The following TNXB variants were observed in gnomAD, a reference collection of about 807,000 sequenced individuals.
TNXB encodes tenascin XB.
A neutral mutation model predicts 340.5 loss-of-function variants in TNXB; 183 were observed. The ratio of observed to expected loss-of-function variants is 0.54; its 90% CI spans 0.48 to 0.61. TNXB has a LOEUF of 0.61. Among genes scored for constraint, TNXB ranks in the 20% least tolerant of loss-of-function variants. TNXB has a pLI of 0.00. For missense variants in TNXB, 4,613 were observed against 5,446.4 expected, an observed-to-expected ratio of 0.85 and a Z score of 4.82; for synonymous variants, 2,121 against 2,314.5, an observed-to-expected ratio of 0.92 and a Z score of 2.40.
chr6:32,081,775 G>C lies in TNXB; in HGVS notation c.3737-102C>G. ...ACCTATGGGGGGTGGGGGGTCACTA[G>C]TCCATTAATTCGAGTGCTAAACTTC... On this transcript the variant is annotated intron_variant, in intron 9 of 43. Transcript: ENST00000644971. This position sits in a 1 kb window ranked among gnomAD's most constrained non-coding sequence, Gnocchi z 5.1. 1.3e-6 allele frequency: 1 copy of C among 743,288 alleles called. No homozygotes were observed. Among genetic ancestry groups the C allele is most frequent in the South Asian group, 1.9e-5 (1 of 53,100 alleles). 46.0% of individuals were successfully genotyped at this position (743,288 alleles called of 1,614,324 possible). A position where few individuals can be genotyped will look rare whatever the true frequency, so the allele number is the denominator to read the frequency against.
In TNXB at chr6:32,097,351, A is replaced by C; in HGVS notation, c.502T>G (p.Ser168Ala). The change falls in exon 3 of 44, where the codon TCA becomes GCA. Residue 168 changes from serine (S) to alanine (A), a missense_variant. This residue lies in a region of TNXB where 4,327 missense variants were observed against 4,859.4 expected (regional missense o/e 0.89). Transcript: ENST00000644971. This position sits in a 1 kb window ranked among gnomAD's most constrained non-coding sequence, Gnocchi z 5.9. ...GGGATCTCAGCATCTGTGGGGTCTG[A>C]GCAGGTGGGCCCACCCCAGCCTGGC... ...CEPGWGGPTC[S>A]DPTDAEIPPS... 1 of 1,613,148 alleles carries C rather than the reference A, an allele frequency of 6.2e-7. No homozygotes were observed. Among genetic ancestry groups the C allele is most frequent in the Non-Finnish European group, 8.5e-7 (1 of 1,179,864 alleles).
chr6:32,062,448 T>C lies in TNXB; in HGVS notation c.6877A>G (p.Thr2293Ala). 1 of 1,610,480 alleles carries C rather than the reference T, an allele frequency of 6.2e-7. No homozygotes were observed. Among genetic ancestry groups the C allele is most frequent in the Non-Finnish European group, 8.5e-7 (1 of 1,177,964 alleles). ...GGGGGTTCAGGGGTGGGAGGTTCTG[T>C]CGAGGCTGGGGCCATTTCTTCATCC... ...GKDEEMAPAS[T>A]EPPTPEPPIK... The change falls in exon 20 of 44, where the codon ACA (threonine) becomes GCA (alanine). Residue 2293 changes from threonine to alanine, a missense_variant. Physicochemically the swap from Thr to Ala is moderately conservative, Grantham distance 58 (BLOSUM62 0). Transcript: ENST00000644971. The surrounding 1 kb of genome is among the most constrained non-coding windows in gnomAD (Gnocchi z 4.3).
At position 32,095,014 on chromosome 6, in the gene TNXB, G is replaced by A. The variant is rs749402687; in HGVS notation, c.2358+62C>T. On this transcript the variant is annotated intron_variant, in intron 4 of 43. Transcript: ENST00000644971. Reference sequence around the variant, plus strand: ...GATCACCTGGAACTTCCTCCAGGAGGTGAGCCCTGCCCCCCTGTCCTGCCC... The same window carrying A: ...GATCACCTGGAACTTCCTCCAGGAGATGAGCCCTGCCCCCCTGTCCTGCCC... 9 of 1,368,718 alleles carry A rather than the reference G, an allele frequency of 6.6e-6. No homozygotes were observed. The Admixed American group carries it at 9.9e-5, about 15-fold the overall frequency. 84.8% of individuals were successfully genotyped at this position (1,368,718 alleles called of 1,614,324 possible). A position where few individuals can be genotyped will look rare whatever the true frequency, so the allele number is the denominator to read the frequency against.
Position 32,062,164 on chromosome 6 carries a change from C to T in TNXB, c.7161G>A (p.Gly2387=). ...GQRVGPVSAI[G]VTAAEEETPS... is the part of the protein sequence containing the mutation. ...CTCCCATCGTCCACTCACCTGTCACCCCGATGGCAGACACGGGGCCCACAC... is the reference window on the plus strand; with the variant it reads ...CTCCCATCGTCCACTCACCTGTCACTCCGATGGCAGACACGGGGCCCACAC... The change falls in exon 20 of 44, where the codon GGG becomes GGA. Residue 2387 remains glycine, a synonymous_variant. Coordinates refer to ENST00000644971, the MANE Select transcript of TNXB (RefSeq NM_001365276.2). The surrounding 1 kb of genome is among the most constrained non-coding windows in gnomAD (Gnocchi z 4.3). The T allele has an allele frequency of 6.2e-7, 1 of 1,610,482 alleles. No homozygotes were observed.
In TNXB at chr6:32,062,604, A is replaced by T; in HGVS notation, c.6842-121T>A. The stretch of plus-strand genomic sequence containing the variant: ...CTGGATGCTGGTGCCCCAAGCTTAG[A>T]ATATCATTTTTCTGCTTTGAATGTT... On this transcript the variant is annotated intron_variant, in intron 19 of 43. Transcript: ENST00000644971. The surrounding 1 kb of genome is among the most constrained non-coding windows in gnomAD (Gnocchi z 4.3). 1 of 971,212 alleles carries T rather than the reference A, an allele frequency of 1.0e-6. No homozygotes were observed. The highest frequency in any genetic ancestry group is 1.5e-6 in the Non-Finnish European group (1 of 675,738). 60.2% of individuals were successfully genotyped at this position (971,212 alleles called of 1,614,324 possible). A position where few individuals can be genotyped will look rare whatever the true frequency, so the allele number is the denominator to read the frequency against.
rs749058728 is a variant in TNXB at position 32,081,487 on chromosome 6, G to A, written c.3923C>T (p.Ala1308Val). Residue 1308 changes from alanine to valine, a missense_variant, in exon 10 of 44, where the codon GCG becomes GTG. Physicochemically the swap from Ala to Val is moderately conservative, Grantham distance 64. Coordinates refer to ENST00000644971, the MANE Select transcript of TNXB (RefSeq NM_001365276.2). This position sits in a 1 kb window ranked among gnomAD's most constrained non-coding sequence, Gnocchi z 5.1. ...AQGQPQAVPVAGDENEVTVPG... is the reference protein window; with the variant it reads ...AQGQPQAVPVVGDENEVTVPG... Reference sequence around the variant, plus strand: ...GACAGTAACCTCATTCTCATCCCCCGCAACAGGCACTGCCTGGGGCTGCCC... The same window carrying A: ...GACAGTAACCTCATTCTCATCCCCCACAACAGGCACTGCCTGGGGCTGCCC... 5.9e-5 allele frequency: 95 copies of A among 1,604,714 alleles called. No homozygotes were observed. Among genetic ancestry groups the A allele is most frequent in the Non-Finnish European group, 7.2e-5 (85 of 1,175,724 alleles).
At chr6:32,050,347 G>A (rs1777206236) in intron 26 of TNXB, 26 bp from the exon 27 acceptor site, 2 of 1,606,480 alleles carry the variant, frequency 1.2e-6, no homozygotes, top group Non-Finnish European at 1.7e-6. Context: ...TGGGGACAGT[G>A]AGGACCCTGG....
intron 28 of TNXB, 73 bp from the exon 29 acceptor site, chr6:32,048,723 C>T (rs1188326194): frequency 7.5e-7 from 1 of 1,331,062 alleles, no homozygotes. Context: ...TCTCCCAGGA[C>T]TGGAGTGAGC....
rs775374149 is a variant in TNXB at position 32,068,790 on chromosome 6, C to A, written c.5902+32G>T. ...CTGTCCTCTGGACTCTCCCAGCCATCTGAAAGGAGGCATAGTGGGCAGAGT... is the reference window on the plus strand; with the variant it reads ...CTGTCCTCTGGACTCTCCCAGCCATATGAAAGGAGGCATAGTGGGCAGAGT... On this transcript the variant is annotated intron_variant, in intron 16 of 43. Coordinates refer to ENST00000644971, the MANE Select transcript of TNXB (RefSeq NM_001365276.2). The surrounding 1 kb of genome is among the most constrained non-coding windows in gnomAD (Gnocchi z 5.3). 2 of 1,592,924 alleles carry A rather than the reference C, an allele frequency of 1.3e-6. No homozygotes were observed. Among genetic ancestry groups the A allele is most frequent in the Non-Finnish European group, 1.7e-6 (2 of 1,167,120 alleles).
rs747409043 is a variant in TNXB at position 32,068,422 on chromosome 6, C to T, written c.6188G>A (p.Arg2063His). The T allele has an allele frequency of 5.6e-6, 9 of 1,613,752 alleles. No individual in the cohort carries two copies. Among genetic ancestry groups the T allele is most frequent in the South Asian group, 4.4e-5 (4 of 91,080 alleles). ...CCCGACGACAGACACAGGGCCCATG[C>T]GCTGGCCACCGTGGAAGCCGTACAG... ...MNLYGFHGGQ[R>H]MGPVSVVGVT... Residue 2063 changes from arginine (R) to histidine (H), a missense_variant, in exon 17 of 44, where the codon CGC becomes CAC. Arg to His is a conservative substitution (Grantham distance 29). Transcript: ENST00000644971. The surrounding 1 kb of genome is among the most constrained non-coding windows in gnomAD (Gnocchi z 5.3).
rs543603039 is a variant in TNXB at position 32,088,221 on chromosome 6, G to C, written c.2779+564C>G. ...CCTAGAAAGAAGAGAGAAGCCCGTG[G>C]GTGGGGCCCTGTAGCTGAAGGAGAG... On this transcript the variant is annotated intron_variant, in intron 6 of 43. Transcript: ENST00000644971. 2.6e-5 allele frequency among the ~76,000 whole-genome samples: 4 copies of C among 152,172 alleles called. 1 individual carries two copies. The highest frequency in any genetic ancestry group is 5.9e-5 in the Non-Finnish European group (4 of 68,030).
At position 32,062,187 on chromosome 6, in the gene TNXB, C is replaced by T. The variant is rs1197620907; in HGVS notation, c.7138G>A (p.Val2380Met). The T allele has an allele frequency of 1.2e-6, 2 of 1,612,136 alleles. No homozygotes were observed. ...NLYGFHGGQR[V>M]GPVSAIGVTA... The stretch of plus-strand genomic sequence containing the variant: ...ACCCCGATGGCAGACACGGGGCCCA[C>T]ACGCTGGCCACCGTGGAAGCCGTAC... Residue 2380 changes from valine to methionine, a missense_variant, in exon 20 of 44, where the codon GTG becomes ATG. This residue lies in a region of TNXB where 4,327 missense variants were observed against 4,859.4 expected (regional missense o/e 0.89). Coordinates refer to ENST00000644971, the MANE Select transcript of TNXB (RefSeq NM_001365276.2). The surrounding 1 kb of genome is among the most constrained non-coding windows in gnomAD (Gnocchi z 4.3).
intron 19 of TNXB, among the ~76,000 whole-genome samples, chr6:32,063,553 G>A (rs925666804): frequency 6.6e-6 from 1 of 152,186 alleles, no homozygotes; most frequent in African/African-American, 2.4e-5. Context: ...GTAGAGAGAT[G>A]AGACCACATG....
At position 32,082,189 on chromosome 6, in the gene TNXB, C is replaced by T; in HGVS notation, c.3583G>A (p.Asp1195Asn). ...ACCACCTGGGGCCGTCCATCCCTGT[C>T]CCTGTACTGGACCATGAAGGTGTCA... ...QFDTFMVQYR[D>N]RDGRPQVVPV... Residue 1195 changes from aspartate to asparagine, a missense_variant, in exon 9 of 44, where the codon GAC becomes AAC. Physicochemically the swap from Asp to Asn is conservative, Grantham distance 23. Around this residue, in one of 7 missense-constraint regions of TNXB, gnomAD observed 4,327 missense variants for 4,859.4 expected, o/e 0.89. Transcript: ENST00000644971. This position sits in a 1 kb window ranked among gnomAD's most constrained non-coding sequence, Gnocchi z 5.0. The T allele has an allele frequency of 1.2e-6, 2 of 1,612,724 alleles. No individual in the cohort carries two copies. Among genetic ancestry groups the T allele is most frequent in the Non-Finnish European group, 1.7e-6 (2 of 1,179,682 alleles).
rs756050937 is a variant in TNXB, at chr6:32,068,441, C to A, written c.6169G>T (p.Gly2057Cys). 6.2e-7 allele frequency: 1 copy of A among 1,613,900 alleles called. No homozygotes were observed. Among genetic ancestry groups the A allele is most frequent in the South Asian group, 1.1e-5 (1 of 91,088 alleles). Residue 2057 changes from glycine to cysteine, a missense_variant, in exon 17 of 44, where the codon GGC becomes TGC. This residue lies in a region of TNXB where 4,327 missense variants were observed against 4,859.4 expected (regional missense o/e 0.89). Coordinates refer to ENST00000644971, the MANE Select transcript of TNXB (RefSeq NM_001365276.2). This position sits in a 1 kb window ranked among gnomAD's most constrained non-coding sequence, Gnocchi z 5.3. ...CCCATGCGCTGGCCACCGTGGAAGC[C>A]GTACAGGTTCATCTTGTATTTATGG... ...PDHKYKMNLY[G>C]FHGGQRMGPV... is the part of the protein sequence containing the mutation.
At position 32,047,498 on chromosome 6, in the gene TNXB, CAG is replaced by C. The variant is rs1042133785; in HGVS notation, c.10324+234_10324+235del. Reference sequence around the variant, plus strand: ...AAAGGCTAGGACTGGAACTGGAACACAGATCTGCTGGCCCCAAAGCCCGTGTC... The same window carrying C: ...AAAGGCTAGGACTGGAACTGGAACACATCTGCTGGCCCCAAAGCCCGTGTC... On this transcript the variant is annotated intron_variant, in intron 30 of 43. Coordinates refer to ENST00000644971, the MANE Select transcript of TNXB (RefSeq NM_001365276.2). The surrounding 1 kb of genome is among the most constrained non-coding windows in gnomAD (Gnocchi z 6.2). 5.3e-5 allele frequency among the ~76,000 whole-genome samples: 8 copies of C among 152,240 alleles called. No homozygotes were observed. Among genetic ancestry groups the C allele is most frequent in the African/African-American group, 1.9e-4 (8 of 41,468 alleles).
At position 32,067,124 on chromosome 6, in the gene TNXB, A is replaced by G. The variant is rs868043070; in HGVS notation, c.6544+537T>C. Among the ~76,000 whole-genome samples, 4,421 of 131,570 alleles carry G rather than the reference A, an allele frequency of 0.034. 109 individuals carry two copies. The highest frequency in any genetic ancestry group is 0.068 in the African/African-American group (2,251 of 32,994). The allele number at this position is 131,570 out of a possible 152,430, so 86.3% of individuals were successfully genotyped here. ...AAGAAAGAAAGAAAGAGAAAGAAAG[A>G]AAGGAAGGAAGAAAGAAAGAAAGAA... On this transcript the variant is annotated intron_variant, in intron 18 of 43. Coordinates refer to ENST00000644971, the MANE Select transcript of TNXB (RefSeq NM_001365276.2). The surrounding 1 kb of genome is among the most constrained non-coding windows in gnomAD (Gnocchi z 4.2).
chr6:32,094,652 C>T (rs1449673482), intron 4 of TNXB, among the ~76,000 whole-genome samples: 1 of 152,166 alleles, frequency 6.6e-6, no homozygotes, highest in Non-Finnish European at 1.5e-5. Context: ...GGAATGAAGA[C>T]ATCAGGCTGG....
chr6:32,060,914 C>T (rs1380629425), intron 21 of TNXB, among the ~76,000 whole-genome samples: 1 of 152,038 alleles, frequency 6.6e-6, no homozygotes, highest in African/African-American at 2.4e-5. Flanking sequence ...GCTGGGATTA[C>T]AGGCGTAAGC....
Sources: gnomAD v4.1 joint callset for allele counts (sites outside exome capture counted in the v4.1 genomes callset) on GRCh38, gnomAD v4.1.1 for gene constraint, gnomAD v4.1.1 regional missense constraint, Gnocchi (gnomAD v3.1) non-coding constraint, MANE v1.5 for transcripts, NCBI Gene and HGNC (gene_info 2026-07-23, HGNC 2026-07-21) for gene names.